TTC6: variants seen among roughly 807,000 people sequenced by gnomAD.
TTC6 encodes the protein tetratricopeptide repeat domain 6.
TTC6 carries 172 observed loss-of-function variants against 210.4 expected under a neutral mutation model. That is an observed-to-expected ratio of 0.82 (90% CI 0.72 to 0.93). The LOEUF is 0.93. Ranked by LOEUF, TTC6 falls within the 40% of genes least tolerant of loss-of-function variation. TTC6 has a pLI of 0.00. For missense variants in TTC6, 2,414 were observed against 2,318.1 expected, an observed-to-expected ratio of 1.04 and a Z score of -0.85; for synonymous variants, 804 against 819.6, an observed-to-expected ratio of 0.98 and a Z score of 0.32.
chr14:37,833,639 T>C (rs2096191215), intron 29 of TTC6, among the ~76,000 whole-genome samples: 1 of 152,192 alleles, frequency 6.6e-6, no homozygotes, highest in African/African-American at 2.4e-5. Context: ...TTCTGTCATT[T>C]TGTTGTTTTC....
chr14:37,644,046 A>C (rs1285503301), intron 1 of TTC6, among the ~76,000 whole-genome samples: 2 of 152,198 alleles, frequency 1.3e-5, no homozygotes, highest in African/African-American at 4.8e-5. Context: ...AATCTTTGAA[A>C]ACGTTAAATG....
chr14:37,665,924 C>G (rs1470943978), intron 1 of TTC6, among the ~76,000 whole-genome samples: 1 of 150,432 alleles, frequency 6.6e-6, no homozygotes, highest in African/African-American at 2.4e-5. Flanking sequence ...CACACCAGAG[C>G]CTTGATTTAG....
At chr14:37,748,968 A>G in exon 11 of TTC6, 11 of 1,524,706 alleles carry the variant, frequency 7.2e-6, no homozygotes, top group Non-Finnish European at 9.6e-6. Context: ...CTTCCGGGAC[A>G]GAAGAAATAT....
intron 3 of TTC6, among the ~76,000 whole-genome samples, chr14:37,691,833 A>G (rs1319820755): frequency 6.6e-6 from 1 of 152,152 alleles, no homozygotes; most frequent in Non-Finnish European, 1.5e-5. Context: ...CCAAACAAAT[A>G]AACTCAGAGA....
At chr14:37,644,582 A>G (rs1474160962) in intron 1 of TTC6, among the ~76,000 whole-genome samples, 1 of 152,220 alleles carries the variant, frequency 6.6e-6, no homozygotes, top group Non-Finnish European at 1.5e-5. Flanking sequence ...ACATTCTATT[A>G]CTATGGAAAA....
At chr14:37,615,039 A>G (rs2095640487) in intron 2 of TTC6, among the ~76,000 whole-genome samples, 1 of 152,110 alleles carries the variant, frequency 6.6e-6, no homozygotes, top group Non-Finnish European at 1.5e-5. Flanking sequence ...GAGCCACTGC[A>G]CCTGCTCTGG....
At chr14:37,672,397 C>A (rs2095760002) in intron 1 of TTC6, among the ~76,000 whole-genome samples, 1 of 152,094 alleles carries the variant, frequency 6.6e-6, no homozygotes, top group African/African-American at 2.4e-5. Context: ...TACTGCTTTG[C>A]ATTTTGAAAA....
chr14:37,685,176 T>TA, intron 3 of TTC6, among the ~76,000 whole-genome samples: 1 of 152,154 alleles, frequency 6.6e-6, no homozygotes, highest in Non-Finnish European at 1.5e-5. Flanking sequence ...TGAAAGTCTA[T>TA]AAAAATATAG....
At chr14:37,736,727 G>C (rs2095902726) in intron 8 of TTC6, among the ~76,000 whole-genome samples, 1 of 151,974 alleles carries the variant, frequency 6.6e-6, no homozygotes, top group Non-Finnish European at 1.5e-5. Flanking sequence ...ATTAGGACAT[G>C]GTTTTATTTT....
intron 1 of TTC6, among the ~76,000 whole-genome samples, chr14:37,631,649 A>G (rs1409391123): frequency 6.6e-6 from 1 of 152,082 alleles, no homozygotes; most frequent in Non-Finnish European, 1.5e-5. Context: ...ATGAATTTGA[A>G]TGTTGGCCTG....
At chr14:37,653,663 T>C (rs1448897695) in intron 1 of TTC6, among the ~76,000 whole-genome samples, 1 of 152,316 alleles carries the variant, frequency 6.6e-6, no homozygotes. Context: ...TTTTTGGAGT[T>C]AGGTGCCTCC....
At chr14:37,686,783 C>T (rs980991199) in intron 3 of TTC6, among the ~76,000 whole-genome samples, 3 of 152,142 alleles carry the variant, frequency 2.0e-5, no homozygotes, top group Non-Finnish European at 4.4e-5. Context: ...GAGGAAACTG[C>T]CCCCATGATT....
At chr14:37,632,193 G>T (rs1232326835) in intron 1 of TTC6, among the ~76,000 whole-genome samples, 1 of 152,170 alleles carries the variant, frequency 6.6e-6, no homozygotes, top group Non-Finnish European at 1.5e-5. Flanking sequence ...AGGACAAGAG[G>T]CGTTCTGGTT....
chr14:37,812,470 A>C, intron 25 of TTC6, 37 bp downstream of exon 27: 1 of 1,526,868 alleles, frequency 6.5e-7, no homozygotes, highest in Non-Finnish European at 8.8e-7. Flanking sequence ...TTGATTTTGC[A>C]CATTGACTTC....
intron 11 of TTC6, 106 bp downstream of exon 13, chr14:37,749,507 A>G: frequency 8.3e-7 from 1 of 1,204,038 alleles, no homozygotes; most frequent in African/African-American, 1.6e-5. Context: ...ATAGTATAGC[A>G]TGTGGAATTA....
upstream of TTC6, among the ~76,000 whole-genome samples, chr14:37,619,390 T>C (rs1453925792): frequency 6.6e-6 from 1 of 152,178 alleles, no homozygotes; most frequent in African/African-American, 2.4e-5. Context: ...AAATGAATAA[T>C]TACAATTATA....
chr14:37,622,097 A>C (rs1474923673), exon 1 of TTC6: 8 of 1,533,834 alleles, frequency 5.2e-6, no homozygotes, highest in Non-Finnish European at 7.0e-6. Flanking sequence ...TTGGCCTGAA[A>C]TACAAAGAGG....
chr14:37,831,363 T>C lies in TTC6; in HGVS notation c.5298+3997T>C, dbSNP rs576214412. 2.6e-5 allele frequency among the ~76,000 whole-genome samples: 4 copies of C among 152,164 alleles called. No homozygotes were observed. In the South Asian group the frequency reaches 8.3e-4, roughly 31 times the overall value. ...TAGGGTGATTCCATATCTTGGCTAT[T>C]GTGAATAGTTCTGGGCAAACCTGGG... On this transcript the variant is annotated intron_variant, in intron 29 of 30. Transcript: ENST00000553443.
At chr14:37,752,441 A>T (rs1179333787) in intron 13 of TTC6, among the ~76,000 whole-genome samples, 1 of 151,840 alleles carries the variant, frequency 6.6e-6, no homozygotes, top group African/African-American at 2.4e-5. Flanking sequence ...TATTCTCTTC[A>T]TTTCCCCTAT....
Sources: allele counts gnomAD v4.1 joint callset (sites outside exome capture counted in the v4.1 genomes callset), GRCh38; gene constraint gnomAD v4.1.1; transcripts MANE v1.5; gene names NCBI Gene and HGNC (gene_info 2026-07-23, HGNC 2026-07-21).